The following PEX7 variants were observed in gnomAD, a reference collection of about 807,000 sequenced individuals.
The protein encoded by PEX7 is peroxisomal biogenesis factor 7.
Under a neutral mutation model 47.5 loss-of-function variants are expected in PEX7, and 34 were observed. The observed-to-expected ratio is 0.72, with a 90% confidence interval of 0.54 to 0.95. The LOEUF (loss-of-function observed/expected upper bound fraction) is 0.95. Ranked by LOEUF, PEX7 falls within the 40% of genes least tolerant of loss-of-function variation. The probability of loss-of-function intolerance (pLI) is 0.00; values close to 1 mark genes in which losing one functional copy is unlikely to be tolerated. For missense variants in PEX7, 394 were observed against 400.3 expected (o/e 0.98, Z 0.13); for synonymous variants, 141 against 148.8 (o/e 0.95, Z 0.38).
At chr6:136,837,868 C>T (rs925531716) in intron 3 of PEX7, among the ~76,000 whole-genome samples, 1 of 151,538 alleles carries the variant, frequency 6.6e-6, no homozygotes, top group East Asian at 1.9e-4. Flanking sequence ...TCAGTCCTTA[C>T]GTGGAGATGG....
rs5880309 is a variant in PEX7, at chr6:136,827,504, T to TTGTGTGTGTG, written c.339+1071_339+1080dup. Among the ~76,000 whole-genome samples the TTGTGTGTGTG allele has an allele frequency of 1.4e-3, 200 of 141,026 alleles. 2 individuals are homozygous for TTGTGTGTGTG. Among genetic ancestry groups the TTGTGTGTGTG allele is most frequent in the Middle Eastern group, 3.7e-3 (1 of 270 alleles). The allele number at this position is 141,026 out of a possible 152,430, so 92.5% of individuals were successfully genotyped here. The stretch of plus-strand genomic sequence containing the variant: ...ATACTTTTGTGGAACCTGTGTGAAT[T>TTGTGTGTGTG]TGTGTGTGTGTGTGTGTGTGTGTGT... On this transcript the variant is annotated intron_variant, in intron 3 of 9. Transcript: ENST00000318471.
intron 1 of PEX7, among the ~76,000 whole-genome samples, chr6:136,824,717 A>C (rs143138739): frequency 8.9e-4 from 136 of 152,360 alleles, no homozygotes; most frequent in African/African-American, 3.2e-3. Flanking sequence ...CCAGTTATGT[A>C]GTAAATCCCA....
chr6:136,825,818 C>G (rs1582732409), intron 2 of PEX7, among the ~76,000 whole-genome samples: 1 of 152,112 alleles, frequency 6.6e-6, no homozygotes, highest in East Asian at 1.9e-4. Flanking sequence ...TATGCGTGAG[C>G]CACTGGGCCC....
chr6:136,911,882 G>T (rs1014461843), intron 9 of PEX7, among the ~76,000 whole-genome samples: 7 of 152,278 alleles, frequency 4.6e-5, no homozygotes, highest in South Asian at 2.1e-4. Context: ...TTTCCAAAAT[G>T]GTGGTACCAT....
intron 5 of PEX7, among the ~76,000 whole-genome samples, 174 bp from the exon 6 acceptor site, chr6:136,866,453 C>A (rs1226442256): frequency 1.9e-4 from 29 of 152,090 alleles, no homozygotes; most frequent in Admixed American, 1.9e-3. Context: ...TTTTTGTATT[C>A]CTTCATTTGA....
chr6:136,828,173 A>G (rs1302725773), intron 3 of PEX7, among the ~76,000 whole-genome samples: 3 of 152,198 alleles, frequency 2.0e-5, no homozygotes, highest in Admixed American at 2.0e-4. Flanking sequence ...CTAAAACAGT[A>G]ATATTCATGA....
At chr6:136,903,829 CT>C (rs60978784) in intron 9 of PEX7, among the ~76,000 whole-genome samples, 9,326 of 139,322 alleles carry the variant, frequency 0.067, 620 homozygotes, top group African/African-American at 0.18. Context: ...CAGGTGTGCA[CT>C]TTTTTTTTTT....
At chr6:136,894,402 C>A (rs1775608957) in intron 8 of PEX7, among the ~76,000 whole-genome samples, 1 of 152,122 alleles carries the variant, frequency 6.6e-6, no homozygotes, top group Non-Finnish European at 1.5e-5. Context: ...CCAGCCTGAC[C>A]AACATGGTGA....
chr6:136,832,923 T>C (rs1220446431), intron 3 of PEX7, among the ~76,000 whole-genome samples: 1 of 152,190 alleles, frequency 6.6e-6, no homozygotes, highest in East Asian at 1.9e-4. Context: ...AAGAAGTCTT[T>C]AAGAATTTCC....
intron 5 of PEX7, among the ~76,000 whole-genome samples, chr6:136,847,953 G>A (rs1386569280): frequency 6.6e-5 from 10 of 152,118 alleles, no homozygotes; most frequent in African/African-American, 1.4e-4. Flanking sequence ...CCATTTTCAC[G>A]ATATTGATTC....
At chr6:136,899,080 CTT>C (rs71547049) in intron 9 of PEX7, among the ~76,000 whole-genome samples, 2 of 111,970 alleles carry the variant, frequency 1.8e-5, no homozygotes, top group Non-Finnish European at 1.8e-5. Flanking sequence ...TTTTTCTTTT[CTT>C]TTTTTTTTTT....
intron 5 of PEX7, among the ~76,000 whole-genome samples, chr6:136,856,606 CCTGAACTAATCA>C (rs1474613218): frequency 6.6e-6 from 1 of 152,120 alleles, no homozygotes; most frequent in Non-Finnish European, 1.5e-5. Flanking sequence ...TGTGGATGTT[CCTGAACTAATCA>C]CTGTGTGTGG....
Position 136,859,508 on chromosome 6 carries a change from C to T in PEX7, c.527-7119C>T, listed in dbSNP as rs145509177. On this transcript the variant is annotated intron_variant, in intron 5 of 9. Coordinates refer to ENST00000318471, the MANE Select transcript of PEX7 (RefSeq NM_000288.4). Reference sequence around the variant, plus strand: ...GGGATCCAGTAGTTAAAGCAAACCTCGTTCTACTGTAAGAAAAAGTCATAT... The same window carrying T: ...GGGATCCAGTAGTTAAAGCAAACCTTGTTCTACTGTAAGAAAAAGTCATAT... Among the ~76,000 whole-genome samples, 440 of 152,020 alleles carry T rather than the reference C, an allele frequency of 2.9e-3. 8 individuals are homozygous for T. Among genetic ancestry groups the T allele is most frequent in the Non-Finnish European group, 3.7e-4 (25 of 67,994 alleles).
chr6:136,896,841 T>C (rs1347839430), intron 8 of PEX7, among the ~76,000 whole-genome samples: 2 of 152,220 alleles, frequency 1.3e-5, no homozygotes, highest in African/African-American at 4.8e-5. Flanking sequence ...ATTACAAAAT[T>C]ATATGTTTAC....
intron 8 of PEX7, among the ~76,000 whole-genome samples, chr6:136,887,865 A>G (rs1279935788): frequency 6.6e-6 from 1 of 152,204 alleles, no homozygotes; most frequent in East Asian, 1.9e-4. Context: ...ATATTGTGTT[A>G]AGTGGGAAAA....
At chr6:136,849,899 G>A (rs1201293609) in intron 5 of PEX7, among the ~76,000 whole-genome samples, 1 of 152,084 alleles carries the variant, frequency 6.6e-6, no homozygotes, top group Non-Finnish European at 1.5e-5. Context: ...TTTAATTCCT[G>A]GATATCCTTG....
intron 1 of PEX7, 36 bp downstream of exon 1, chr6:136,822,831 G>A (rs1337603588): frequency 7.4e-6 from 9 of 1,212,464 alleles, no homozygotes; most frequent in Middle Eastern, 3.2e-4. Flanking sequence ...CCGGGGGGCG[G>A]AGGCGGAGGC....
intron 5 of PEX7, among the ~76,000 whole-genome samples, chr6:136,848,710 T>A (rs547457052): frequency 1.0e-3 from 154 of 152,174 alleles, no homozygotes; most frequent in African/African-American, 3.4e-3. Flanking sequence ...CAACTTGATC[T>A]TGGTGGATAA....
At chr6:136,905,331 A>G (rs1468861063) in intron 9 of PEX7, among the ~76,000 whole-genome samples, 6 of 152,098 alleles carry the variant, frequency 3.9e-5, no homozygotes, top group African/African-American at 9.7e-5. Flanking sequence ...TCAAAGCTCT[A>G]TGGGGCTTAC....
Sources: gnomAD v4.1 joint callset for allele counts (sites outside exome capture counted in the v4.1 genomes callset) on GRCh38, gnomAD v4.1.1 for gene constraint, MANE v1.5 for transcripts, NCBI Gene and HGNC (gene_info 2026-07-23, HGNC 2026-07-21) for gene names.